P3H2: variants seen among roughly 807,000 people sequenced by gnomAD.
P3H2 encodes leprecan-like 1.
In P3H2, 80 loss-of-function variants were observed where a neutral mutation model predicts 87.0. The ratio of observed to expected loss-of-function variants is 0.92; its 90% CI spans 0.77 to 1.11. The LOEUF is 1.11. Ranked by LOEUF, P3H2 falls within the 50% of genes least tolerant of loss-of-function variation. P3H2 has a pLI of 0.00. For missense variants in P3H2, 1,001 were observed against 923.9 expected (o/e 1.08, Z -1.08); for synonymous variants, 367 against 359.3 (o/e 1.02, Z -0.24).
chr3:189,996,137 T>A (rs1463362003), intron 1 of P3H2, among the ~76,000 whole-genome samples: 1 of 152,210 alleles, frequency 6.6e-6, no homozygotes, highest in African/African-American at 2.4e-5. Flanking sequence ...GAAGTCAGTA[T>A]GTTGAAGCTA....
chr3:190,072,984 G>T (rs988135), intron 1 of P3H2, among the ~76,000 whole-genome samples: 18 of 152,360 alleles, frequency 1.2e-4, no homozygotes, highest in South Asian at 4.1e-4. Flanking sequence ...GTAACAGTCT[G>T]GTATCAGAGT....
chr3:189,974,524 C>A (rs776443228), intron 9 of P3H2, 34 bp downstream of exon 9: 126 of 1,612,108 alleles, frequency 7.8e-5, no homozygotes, highest in Non-Finnish European at 1.1e-4. Flanking sequence ...GGCAGGCCAG[C>A]GCAGTGAGCT....
chr3:190,109,845 CTTTTT>C (rs141845406), intron 1 of P3H2, among the ~76,000 whole-genome samples: 151 of 124,510 alleles, frequency 1.2e-3, no homozygotes, highest in Non-Finnish European at 1.1e-3. Context: ...GATGCCCAGT[CTTTTT>C]TTTTTTTTTT....
intron 1 of P3H2, among the ~76,000 whole-genome samples, chr3:190,080,971 C>T (rs1189332742): frequency 1.3e-5 from 2 of 152,200 alleles, no homozygotes; most frequent in African/African-American, 4.8e-5. Context: ...GCTTAGATTA[C>T]CATGTTTATG....
rs191402155 is a variant in P3H2, at chr3:190,051,179, T to C, written c.481-55737A>G. Reference sequence around the variant, plus strand: ...AATGCCATTTGATGCGGGTACAGGTTAGGATTTAAAGGAAATAGGCTATTA... The same window carrying C: ...AATGCCATTTGATGCGGGTACAGGTCAGGATTTAAAGGAAATAGGCTATTA... On this transcript the variant is annotated intron_variant, in intron 1 of 14. Coordinates refer to ENST00000319332, the MANE Select transcript of P3H2 (RefSeq NM_018192.4). Among the ~76,000 whole-genome samples the C allele has an allele frequency of 2.4e-3, 359 of 152,256 alleles. 1 individual carries two copies. The highest frequency in any genetic ancestry group is 8.2e-3 in the African/African-American group (340 of 41,562).
intron 1 of P3H2, among the ~76,000 whole-genome samples, chr3:190,009,018 C>CA (rs1181947079): frequency 2.0e-5 from 3 of 152,114 alleles, no homozygotes; most frequent in African/African-American, 7.2e-5. Context: ...GATCTTACTA[C>CA]AAATATGGCA....
intron 14 of P3H2, among the ~76,000 whole-genome samples, chr3:189,958,699 C>CTTTTTTT (rs71175319): frequency 8.3e-6 from 1 of 120,242 alleles, no homozygotes; most frequent in Admixed American, 9.6e-5. Context: ...ATTGCTCCCT[C>CTTTTTTT]TTTTTTTTTT....
chr3:190,007,275 G>GT (rs1388072509), intron 1 of P3H2, among the ~76,000 whole-genome samples: 2 of 152,182 alleles, frequency 1.3e-5, no homozygotes, highest in African/African-American at 2.4e-5. Context: ...TAACAGAGAA[G>GT]TAAGTTGGTC....
chr3:190,013,804 G>A (rs1297523831), intron 1 of P3H2, among the ~76,000 whole-genome samples: 1 of 152,144 alleles, frequency 6.6e-6, no homozygotes, highest in Non-Finnish European at 1.5e-5. Context: ...TCCTCCACGA[G>A]AGAAGAAAAT....
At chr3:190,013,543 T>A (rs1176992250) in intron 1 of P3H2, among the ~76,000 whole-genome samples, 1 of 152,242 alleles carries the variant, frequency 6.6e-6, no homozygotes. Context: ...TGGATGTGTC[T>A]TCCTGCCACA....
chr3:189,988,178 C>T (rs1173681908), intron 4 of P3H2, among the ~76,000 whole-genome samples: 1 of 152,030 alleles, frequency 6.6e-6, no homozygotes. Flanking sequence ...TGGAGGAAGC[C>T]CCTTAAATCC....
chr3:189,971,026 GT>G (rs1250156413), intron 12 of P3H2, 135 bp from the exon 13 acceptor site: 2 of 627,298 alleles, frequency 3.2e-6, no homozygotes, highest in Non-Finnish European at 5.8e-6. Context: ...GATATAATTG[GT>G]CCTCCAAACT....
At position 189,974,634 on chromosome 3, in the gene P3H2, A is replaced by T. The variant is rs1342141696; in HGVS notation, c.1376T>A (p.Leu459Gln). Reference protein sequence around the residue: ...NITFVYNSEQLNGTQRVLLDN... With the variant: ...NITFVYNSEQQNGTQRVLLDN... ...CAGGAGAACCCGCTGAGTCCCGTTC[A>T]GCTGCTCCGAGTTGTAGACGAATGT... Residue 459 changes from leucine to glutamine, a missense_variant, in exon 9 of 15, where the codon CTG becomes CAG. Physicochemically the swap from Leu to Gln is moderately radical, Grantham distance 113. Coordinates refer to ENST00000319332, the MANE Select transcript of P3H2 (RefSeq NM_018192.4). 6.2e-7 allele frequency: 1 copy of T among 1,614,092 alleles called. No homozygotes were observed. The highest frequency in any genetic ancestry group is 8.5e-7 in the Non-Finnish European group (1 of 1,180,052).
At chr3:190,077,384 G>T (rs1726904221) in intron 1 of P3H2, among the ~76,000 whole-genome samples, 1 of 152,174 alleles carries the variant, frequency 6.6e-6, no homozygotes, top group African/African-American at 2.4e-5. Flanking sequence ...AAAATCAGTT[G>T]AAATTGAACT....
chr3:190,119,446 G>A (rs188077945), intron 1 of P3H2, among the ~76,000 whole-genome samples: 11 of 152,260 alleles, frequency 7.2e-5, no homozygotes, highest in Non-Finnish European at 1.0e-4. Context: ...GAAGCATCCA[G>A]AGAGATCTTC....
rs114314190 is a variant in P3H2, at chr3:189,985,489, A to G, written c.1189-899T>C. On this transcript the variant is annotated intron_variant, in intron 6 of 14. Coordinates refer to ENST00000319332, the MANE Select transcript of P3H2 (RefSeq NM_018192.4). ...ATGCCTGTTCAATCTGTTGTGAGCT[A>G]TGAGACTTTAGAGTAGTCACTAAAT... Among the ~76,000 whole-genome samples, 1,203 of 151,592 alleles carry G rather than the reference A, an allele frequency of 7.9e-3. 14 individuals carry two copies. Among genetic ancestry groups the G allele is most frequent in the African/African-American group, 0.028 (1,167 of 41,474 alleles).
At chr3:189,978,491 A>ACATGC (rs1230497013) in intron 8 of P3H2, among the ~76,000 whole-genome samples, 1 of 152,228 alleles carries the variant, frequency 6.6e-6, no homozygotes, top group Admixed American at 6.5e-5. Context: ...TCCACAAGTA[A>ACATGC]CATGCAAAGA....
At chr3:190,037,310 C>T (rs566577501) in intron 1 of P3H2, among the ~76,000 whole-genome samples, 1 of 151,934 alleles carries the variant, frequency 6.6e-6, no homozygotes, top group Non-Finnish European at 1.5e-5. Context: ...ATTAATGATT[C>T]TTAACATTAC....
chr3:190,056,577 G>A (rs1237292666), intron 1 of P3H2, among the ~76,000 whole-genome samples: 6 of 152,194 alleles, frequency 3.9e-5, no homozygotes, highest in African/African-American at 1.2e-4. Context: ...TACAGGGAAC[G>A]TAATTTCAAG....
Sources: gnomAD v4.1 joint callset for allele counts (sites outside exome capture counted in the v4.1 genomes callset) on GRCh38, gnomAD v4.1.1 for gene constraint, MANE v1.5 for transcripts, NCBI Gene and HGNC (gene_info 2026-07-23, HGNC 2026-07-21) for gene names.